The following MYH16 variants were observed in gnomAD, a reference collection of about 807,000 sequenced individuals.
The protein encoded by MYH16 is putative uncharacterized protein MYH16.
exon 21 of MYH16, chr7:99,277,608 G>A (rs1396095370): frequency 1.5e-5 from 7 of 456,990 alleles, no homozygotes; most frequent in Non-Finnish European, 2.2e-5. Context: ...GCTCAGGAAA[G>A]CCATGGCCCA....
chr7:99,299,922 T>C (rs1354182695), intron 37 of MYH16, among the ~76,000 whole-genome samples: 2 of 143,946 alleles, frequency 1.4e-5, no homozygotes, highest in Admixed American at 7.0e-5. Flanking sequence ...TAGATTTTTA[T>C]TTTATTTTAT....
exon 29 of MYH16, chr7:99,288,043 A>G (rs1317733047): frequency 1.1e-5 from 5 of 456,664 alleles, no homozygotes; most frequent in African/African-American, 1.0e-4. Flanking sequence ...GAGAGCCTGC[A>G]GAGGGTCAAG....
intron 33 of MYH16, among the ~76,000 whole-genome samples, chr7:99,294,829 G>A (rs1049249627): frequency 6.6e-6 from 1 of 152,160 alleles, no homozygotes; most frequent in African/African-American, 2.4e-5. Flanking sequence ...GCCTCCCTAA[G>A]TGCCAGGATT....
intron 23 of MYH16, among the ~76,000 whole-genome samples, chr7:99,283,172 C>T (rs1357508425): frequency 6.6e-6 from 1 of 152,216 alleles, no homozygotes; most frequent in Non-Finnish European, 1.5e-5. Context: ...CATCATAGCT[C>T]ACTGCAGCCC....
At chr7:99,243,446 G>A (rs535997201) in intron 2 of MYH16, 1 of 152,806 alleles carries the variant, frequency 6.5e-6, no homozygotes, top group Non-Finnish European at 1.5e-5. Flanking sequence ...TGGGGTGAGT[G>A]GGGGGAGGAA....
intron 21 of MYH16, 81 bp from the exon 4 acceptor site, chr7:99,279,429 G>A: frequency 2.4e-6 from 1 of 409,438 alleles, no homozygotes; most frequent in Non-Finnish European, 4.9e-6. Flanking sequence ...GGACACATTT[G>A]TTCAGCTCAA....
intron 8 of MYH16, among the ~76,000 whole-genome samples, chr7:99,255,410 C>T (rs1012026951): frequency 1.6e-4 from 23 of 146,576 alleles, no homozygotes; most frequent in African/African-American, 5.0e-4. Flanking sequence ...ATTGTGCCAC[C>T]GTACTCCAGC....
downstream of MYH16, among the ~76,000 whole-genome samples, chr7:99,310,245 T>C (rs1584364041): frequency 1.3e-5 from 2 of 151,678 alleles, no homozygotes; most frequent in Admixed American, 1.3e-4. Flanking sequence ...TGCAGCGCGG[T>C]GGGGGATGAA....
chr7:99,240,880 C>T (rs972890891), intron 1 of MYH16, among the ~76,000 whole-genome samples: 1 of 150,888 alleles, frequency 6.6e-6, no homozygotes, highest in Non-Finnish European at 1.5e-5. Context: ...GTGATCAGAA[C>T]TGGCAACAGC....
At chr7:99,239,233 T>A (rs1007361842) in intron 1 of MYH16, among the ~76,000 whole-genome samples, 1 of 152,186 alleles carries the variant, frequency 6.6e-6, no homozygotes, top group African/African-American at 2.4e-5. Flanking sequence ...CTGAGCTATA[T>A]CACAATAGAG....
intron 8 of MYH16, among the ~76,000 whole-genome samples, chr7:99,254,729 C>A (rs1158467614): frequency 1.3e-5 from 2 of 152,200 alleles, no homozygotes; most frequent in Non-Finnish European, 2.9e-5. Flanking sequence ...CCTAACCCAG[C>A]CAGAAATAAG....
At chr7:99,296,938 A>G (rs902652869) in intron 34 of MYH16, 21 bp downstream of exon 15, 4 of 455,838 alleles carry the variant, frequency 8.8e-6, no homozygotes, top group African/African-American at 8.0e-5. Context: ...GGGCAGGTGG[A>G]TGGGATGGGC....
chr7:99,275,071 T>C (rs1792093494), intron 20 of MYH16, among the ~76,000 whole-genome samples: 1 of 152,146 alleles, frequency 6.6e-6, no homozygotes, highest in African/African-American at 2.4e-5. Context: ...CATAGCTCAC[T>C]GCAGCCTCTA....
At chr7:99,294,241 T>A in intron 33 of MYH16, 91 bp downstream of exon 14, 1 of 373,612 alleles carries the variant, frequency 2.7e-6, no homozygotes, top group Non-Finnish European at 5.3e-6. Flanking sequence ...TCTGGGGTCA[T>A]CAGGAAGAAA....
chr7:99,299,931 A>T (rs774627728), intron 37 of MYH16, among the ~76,000 whole-genome samples: 95 of 61,066 alleles, frequency 1.6e-3, no homozygotes, highest in Middle Eastern at 6.1e-3. Flanking sequence ...ATTTTATTTT[A>T]TTTATTTATT....
intron 18 of MYH16, among the ~76,000 whole-genome samples, chr7:99,267,479 C>T (rs1367746132): frequency 6.6e-6 from 1 of 152,216 alleles, no homozygotes; most frequent in African/African-American, 2.4e-5. Context: ...ATCCACCTGC[C>T]TCGGCCTCCC....
chr7:99,286,571 AG>A (rs908299664), intron 28 of MYH16: 1 of 152,360 alleles, frequency 6.6e-6, no homozygotes, highest in Admixed American at 6.6e-5. Context: ...GCTTGCATTT[AG>A]GGGAAAAAAT....
chr7:99,307,655 C>A (rs1792700938), downstream of MYH16, among the ~76,000 whole-genome samples: 1 of 151,898 alleles, frequency 6.6e-6, no homozygotes, highest in Non-Finnish European at 1.5e-5. Context: ...GCCCAGGAGT[C>A]TGAGGTTACA....
At chr7:99,272,654 G>A (rs1184880266) in intron 19 of MYH16, among the ~76,000 whole-genome samples, 185 bp from the exon 1 acceptor site, 1 of 152,058 alleles carries the variant, frequency 6.6e-6, no homozygotes, top group African/African-American at 2.4e-5. Flanking sequence ...GGCTGAGGCA[G>A]GAGGATTGCT....
Sources: gnomAD v4.1 joint callset for allele counts (sites outside exome capture counted in the v4.1 genomes callset) on GRCh38, gnomAD v4.1.1 for gene constraint, MANE v1.5 for transcripts, NCBI Gene and HGNC (gene_info 2026-07-23, HGNC 2026-07-21) for gene names.